The following SNX5 variants were observed in gnomAD, a reference collection of about 807,000 sequenced individuals.
SNX5 encodes sorting nexin 5.
A neutral mutation model predicts 53.9 loss-of-function variants in SNX5; 31 were observed. The observed-to-expected ratio is 0.58, with a 90% CI of 0.43 to 0.78. The LOEUF is 0.78. SNX5 is among the 30% of genes least tolerant of loss of function. SNX5 has a pLI of 0.00. For synonymous variants in SNX5, 168 were observed against 171.1 expected (o/e 0.98, Z 0.14); for missense variants, 471 against 478.8 (o/e 0.98, Z 0.15).
At chr20:17,956,126 GACAAAGAAGAAAAAT>G (rs2035352054) in intron 2 of SNX5, among the ~76,000 whole-genome samples, 1 of 149,558 alleles carries the variant, frequency 6.7e-6, no homozygotes, top group East Asian at 1.9e-4. Context: ...CCCAACTTAT[GACAAAGAAGAAAAAT>G]AAATTTTAAA....
rs1372329726 is a variant in SNX5, at chr20:17,956,939, G to A, written c.150C>T (p.His50=). ...SERDKVKFTV[H]TKTTLPTFQS... ...ACCACTGCATGTTACTTACCTTTGT[G>A]TGCACTGTAAATTTGACTTTGTCTC... The change falls in exon 2 of 13, where the codon CAC becomes CAT. Residue 50 remains histidine (H), a synonymous_variant. Transcript: ENST00000377759. 5 of 1,543,312 alleles carry A rather than the reference G, an allele frequency of 3.2e-6. No individual in the cohort carries two copies. Among genetic ancestry groups the A allele is most frequent in the Non-Finnish European group, 3.6e-6 (4 of 1,116,534 alleles).
chr20:17,963,992 G>A (rs1259639232), intron 1 of SNX5, among the ~76,000 whole-genome samples: 1 of 152,194 alleles, frequency 6.6e-6, no homozygotes, highest in African/African-American at 2.4e-5. Context: ...CATTCAGGAG[G>A]CTGAGTGCAG....
chr20:17,956,249 G>A (rs1296622601), intron 2 of SNX5, among the ~76,000 whole-genome samples: 1 of 152,108 alleles, frequency 6.6e-6, no homozygotes, highest in Non-Finnish European at 1.5e-5. Flanking sequence ...CTTTGATCTG[G>A]TAAGCTCAGG....
rs144441310 is a variant in SNX5, at chr20:17,947,319, C to T, written c.1078+167G>A. ...ACCAGGTGTGTAACGTTTGTAAGCA[C>T]GCAAAGCCATGAGGATGACTGTGCA... On this transcript the variant is annotated intron_variant, in intron 11 of 12. Coordinates refer to ENST00000377759, the MANE Select transcript of SNX5 (RefSeq NM_014426.4). 16 of 661,648 alleles carry T rather than the reference C, an allele frequency of 2.4e-5. No individual in the cohort carries two copies. In the East Asian group the frequency reaches 2.6e-4, roughly 11 times the overall value. The allele number at this position is 661,648 out of a possible 1,614,324, so 41.0% of individuals were successfully genotyped here.
At chr20:17,961,547 GA>G in intron 1 of SNX5, 1 of 984,166 alleles carries the variant, frequency 1.0e-6, no homozygotes, top group Non-Finnish European at 1.2e-6. Flanking sequence ...GTAAGACATG[GA>G]TACAATATGC....
chr20:17,943,531 G>A, intron 11 of SNX5: 1 of 224,064 alleles, frequency 4.5e-6, no homozygotes, highest in East Asian at 1.2e-4. Flanking sequence ...AGTATGGGTG[G>A]TGGTGAGCCA....
chr20:17,949,531 TTG>T (rs1419478439), intron 8 of SNX5, among the ~76,000 whole-genome samples: 5 of 152,216 alleles, frequency 3.3e-5, no homozygotes, highest in Non-Finnish European at 7.3e-5. Context: ...AAGTAAAATA[TTG>T]TCTTACACCA....
rs6105848 is a variant in SNX5 at position 17,950,104 on chromosome 20, G to A, written c.791+28C>T. 32 of 1,599,506 alleles carry A rather than the reference G, an allele frequency of 2.0e-5. No individual in the cohort carries two copies. The African/African-American group carries it at 3.5e-4, about 17-fold the overall frequency. Reference sequence around the variant, plus strand: ...CACTCGGCACTCTTCAATTGGGTTAGGGGAAATGCTTTTCCAAAAAAACTT... The same window carrying A: ...CACTCGGCACTCTTCAATTGGGTTAAGGGAAATGCTTTTCCAAAAAAACTT... On this transcript the variant is annotated intron_variant, in intron 8 of 12. Coordinates refer to ENST00000377759, the MANE Select transcript of SNX5 (RefSeq NM_014426.4).
chr20:17,951,862 T>G (rs2039573779), intron 5 of SNX5, among the ~76,000 whole-genome samples: 1 of 152,190 alleles, frequency 6.6e-6, no homozygotes, highest in Admixed American at 6.5e-5. Context: ...TTGGGAAAAT[T>G]ACTGTTCTCT....
chr20:17,963,685 A>G (rs1161163653), intron 1 of SNX5, among the ~76,000 whole-genome samples: 2 of 152,154 alleles, frequency 1.3e-5, no homozygotes, highest in Non-Finnish European at 2.9e-5. Flanking sequence ...ACTCATGTGG[A>G]TGAGGGTGTT....
rs569091977 is a variant in SNX5, at chr20:17,952,947, T to C, written c.390-237A>G. On this transcript the variant is annotated intron_variant, in intron 4 of 12. Coordinates refer to ENST00000377759, the MANE Select transcript of SNX5 (RefSeq NM_014426.4). Reference sequence around the variant, plus strand: ...TTGTAACTGGATTTGATGGGTCAAGTCCATGAGCTCCTAAATCTACATGCA... The same window carrying C: ...TTGTAACTGGATTTGATGGGTCAAGCCCATGAGCTCCTAAATCTACATGCA... Among the ~76,000 whole-genome samples, 6 of 152,340 alleles carry C rather than the reference T, an allele frequency of 3.9e-5. No homozygotes were observed. The East Asian group carries it at 1.2e-3, about 29-fold the overall frequency.
intron 5 of SNX5, among the ~76,000 whole-genome samples, chr20:17,952,157 A>G (rs1442409163): frequency 3.9e-5 from 6 of 152,202 alleles, no homozygotes; most frequent in Admixed American, 3.9e-4. Context: ...CAGAAGGTGG[A>G]GCTTGCAGTA....
rs2035339677 is a variant in SNX5 at position 17,955,580 on chromosome 20, T to C, written c.157-105A>G. ...AAATTCTGCATAATACATCATAATATGATCCAGTAAAGAACAAAGCAGTTA... is the reference window on the plus strand; with the variant it reads ...AAATTCTGCATAATACATCATAATACGATCCAGTAAAGAACAAAGCAGTTA... On this transcript the variant is annotated intron_variant, in intron 2 of 12. Coordinates refer to ENST00000377759, the MANE Select transcript of SNX5 (RefSeq NM_014426.4). The C allele has an allele frequency of 8.5e-6, 6 of 708,828 alleles. No homozygotes were observed. In the East Asian group the frequency reaches 1.3e-4, roughly 16 times the overall value. 43.9% of individuals were successfully genotyped at this position (708,828 alleles called of 1,614,324 possible).
chr20:17,967,142 T>C (rs935426419), intron 1 of SNX5, among the ~76,000 whole-genome samples: 8 of 151,752 alleles, frequency 5.3e-5, no homozygotes, highest in African/African-American at 1.5e-4. Context: ...TACCAGAGAG[T>C]GGGGTGAAGC....
At chr20:17,962,030 AACTCT>A in intron 1 of SNX5, 1 of 961,870 alleles carries the variant, frequency 1.0e-6, no homozygotes, top group Non-Finnish European at 1.2e-6. Flanking sequence ...TTACTGTTTG[AACTCT>A]CAGGAAACAA....
At position 17,947,533 on chromosome 20, in the gene SNX5, T is replaced by C. The variant is rs994789511; in HGVS notation, c.1031A>G (p.Gln344Arg). 19 of 1,613,838 alleles carry C rather than the reference T, an allele frequency of 1.2e-5. No homozygotes were observed. In the Admixed American group the frequency reaches 1.5e-4, roughly 13 times the overall value. ...KDVKLAEAHQQECCQKFEQLS... is the reference protein window; with the variant it reads ...KDVKLAEAHQRECCQKFEQLS... ...TTGTTCAAATTTCTGGCAGCACTCC[T>C]GCTGGTGTGCCTCAGCCAACTTGAC... is the stretch of plus-strand genomic sequence containing the variant. Residue 344 changes from glutamine to arginine, a missense_variant, in exon 11 of 13, where the codon CAG becomes CGG. Transcript: ENST00000377759.
chr20:17,958,921 A>C (rs2035407073), intron 1 of SNX5, among the ~76,000 whole-genome samples: 1 of 152,254 alleles, frequency 6.6e-6, no homozygotes, highest in Admixed American at 6.5e-5. Flanking sequence ...AGGCCCAAGA[A>C]CAGGAATAAA....
Position 17,943,169 on chromosome 20 carries a change from C to T in SNX5, c.1105G>A (p.Val369Met), listed in dbSNP as rs926801905. 5.6e-6 allele frequency: 9 copies of T among 1,609,842 alleles called. No individual in the cohort carries two copies. The highest frequency in any genetic ancestry group is 5.0e-5 in the Admixed American group (3 of 59,984). Residue 369 changes from valine to methionine, a missense_variant, in exon 12 of 13, where the codon GTG (valine) becomes ATG (methionine). Transcript: ENST00000377759. ...ATTAGATTCTTTCTAAATGCTGCCA[C>T]TCTCTTCCGTTTGAAATTTATCAGT... Reference protein sequence around the residue: ...EELINFKRKRVAAFRKNLIEM... With the variant: ...EELINFKRKRMAAFRKNLIEM...
intron 1 of SNX5, among the ~76,000 whole-genome samples, chr20:17,958,012 A>G (rs1388333888): frequency 6.6e-6 from 1 of 151,104 alleles, no homozygotes; most frequent in Non-Finnish European, 1.5e-5. Context: ...CAAAAAAAAA[A>G]AAAAAAAAAA....
Sources: gnomAD v4.1 joint callset for allele counts (sites outside exome capture counted in the v4.1 genomes callset) on GRCh38, gnomAD v4.1.1 for gene constraint, MANE v1.5 for transcripts, NCBI Gene and HGNC (gene_info 2026-07-23, HGNC 2026-07-21) for gene names.